N4BP2L2: variants seen among roughly 807,000 people sequenced by gnomAD.
The protein encoded by N4BP2L2 is NEDD4 binding protein 2 like 2, also known as NEDD4-binding protein 2-like 2.
In N4BP2L2, 50 loss-of-function variants were observed where a neutral mutation model predicts 56.2. The ratio of observed to expected loss-of-function variants is 0.89; its 90% CI spans 0.71 to 1.13. The LOEUF is 1.13. Ranked by LOEUF, N4BP2L2 falls within the 50% of genes most tolerant of loss-of-function variation. The probability of loss-of-function intolerance (pLI) is 0.00; values close to 1 mark genes in which losing one functional copy is unlikely to be tolerated. For missense variants in N4BP2L2, 689 were observed against 693.8 expected (o/e 0.99, Z 0.08); for synonymous variants, 203 against 223.6 (o/e 0.91, Z 0.82).
chr13:32,502,610 A>G (rs2090211536), intron 6 of N4BP2L2, among the ~76,000 whole-genome samples: 1 of 152,232 alleles, frequency 6.6e-6, no homozygotes, highest in Non-Finnish European at 1.5e-5. Flanking sequence ...ATTATGAGGA[A>G]AAGTTTCAGA....
At chr13:32,477,796 G>C in intron 6 of N4BP2L2, 1 of 1,107,162 alleles carries the variant, frequency 9.0e-7, no homozygotes, top group Non-Finnish European at 1.2e-6. Context: ...CTTGTTAAGA[G>C]GTATACAGCT....
chr13:32,477,735 A>C (rs2083652030), intron 6 of N4BP2L2: 2 of 509,948 alleles, frequency 3.9e-6, no homozygotes, highest in Admixed American at 7.3e-5. Context: ...GCTTAGATGG[A>C]ACCTTGAGCC....
At chr13:32,437,493 G>A (rs1261821338) in intron 8 of N4BP2L2, among the ~76,000 whole-genome samples, 2 of 152,160 alleles carry the variant, frequency 1.3e-5, no homozygotes, top group East Asian at 3.9e-4. Flanking sequence ...CAACTAATGT[G>A]AACAGAACCC....
At chr13:32,502,349 T>C (rs1459641518) in intron 6 of N4BP2L2, among the ~76,000 whole-genome samples, 1 of 152,098 alleles carries the variant, frequency 6.6e-6, no homozygotes, top group Non-Finnish European at 1.5e-5. Context: ...AGTGCTGGGA[T>C]TACAGGTGTG....
Position 32,536,314 on chromosome 13 carries a change from G to C in N4BP2L2, c.714C>G (p.Asn238Lys), listed in dbSNP as rs200502235. The C allele has an allele frequency of 2.3e-5, 37 of 1,613,856 alleles. No homozygotes were observed. The East Asian group carries it at 7.4e-4, about 32-fold the overall frequency. Reference sequence around the variant, plus strand: ...GATATTTGTCTGGCTCATTCCCCAAGTTCTGCTGATAATCACAATGTGATG... The same window carrying C: ...GATATTTGTCTGGCTCATTCCCCAACTTCTGCTGATAATCACAATGTGATG... Residue 238 changes from asparagine to lysine, a missense_variant, in exon 2 of 6, where the codon AAC becomes AAG. Asn to Lys is a moderately conservative substitution (Grantham distance 94). Transcript: ENST00000267068.
At chr13:32,449,305 T>G (rs779016466) in intron 6 of N4BP2L2, among the ~76,000 whole-genome samples, 73 of 152,230 alleles carry the variant, frequency 4.8e-4, no homozygotes, top group Non-Finnish European at 8.8e-4. Context: ...TAAACAGCTG[T>G]TAAATAGGCA....
At chr13:32,456,750 G>T (rs2079051078) in intron 6 of N4BP2L2, among the ~76,000 whole-genome samples, 1 of 152,198 alleles carries the variant, frequency 6.6e-6, no homozygotes, top group Non-Finnish European at 1.5e-5. Flanking sequence ...ATACATTTGA[G>T]AACTTCCATA....
chr13:32,443,462 T>G, exon 7 of N4BP2L2: 1 of 1,613,800 alleles, frequency 6.2e-7, no homozygotes. Flanking sequence ...TGATTGATTT[T>G]AGTTGTATAC....
exon 6 of N4BP2L2, chr13:32,517,729 C>T (rs2049547118): frequency 6.5e-6 from 10 of 1,536,278 alleles, no homozygotes; most frequent in Non-Finnish European, 8.7e-6. Flanking sequence ...TTTGAAACTA[C>T]TTAAACTCCA....
chr13:32,486,947 C>T (rs562724231), intron 6 of N4BP2L2, among the ~76,000 whole-genome samples: 5 of 151,936 alleles, frequency 3.3e-5, no homozygotes, highest in Non-Finnish European at 5.9e-5. Flanking sequence ...TGCAGTGAGC[C>T]GAGATCACGC....
At chr13:32,495,849 A>C (rs2088468919) in intron 6 of N4BP2L2, among the ~76,000 whole-genome samples, 1 of 152,000 alleles carries the variant, frequency 6.6e-6, no homozygotes, top group Non-Finnish European at 1.5e-5. Flanking sequence ...ATGCCCAGGT[A>C]ATTTTTGTAT....
At chr13:32,512,723 T>C (rs1473822675) in exon 6 of N4BP2L2, 2 of 152,186 alleles carry the variant, frequency 1.3e-5, no homozygotes, top group African/African-American at 2.4e-5. Context: ...TTCTTGTGCA[T>C]AGAGTGATAA....
rs995882964 is a variant in N4BP2L2, at chr13:32,487,658, C to T, written c.365+30199G>A. Among the ~76,000 whole-genome samples, 28 of 151,876 alleles carry T rather than the reference C, an allele frequency of 1.8e-4. No individual in the cohort carries two copies. In the East Asian group the frequency reaches 3.9e-3, roughly 21 times the overall value. ...CTGCACTCCAGCCTGGGCAACAGAA[C>T]GCGACTCCATCTCAAAAAAGAGGAA... On this transcript the variant is annotated intron_variant, in intron 6 of 9. Transcript: ENST00000357505.
intron 2 of N4BP2L2, among the ~76,000 whole-genome samples, chr13:32,530,503 A>G (rs1239420145): frequency 1.3e-5 from 2 of 152,336 alleles, no homozygotes; most frequent in Non-Finnish European, 1.5e-5. Context: ...AAATGTGAGT[A>G]AGTCAAATAT....
At chr13:32,469,656 G>A (rs547894800) in intron 6 of N4BP2L2, among the ~76,000 whole-genome samples, 4 of 152,330 alleles carry the variant, frequency 2.6e-5, no homozygotes, top group African/African-American at 9.6e-5. Context: ...CTGATATTCC[G>A]TCTCTGAGAC....
chr13:32,457,117 C>T (rs888743602), intron 6 of N4BP2L2, among the ~76,000 whole-genome samples: 13 of 152,090 alleles, frequency 8.5e-5, no homozygotes, highest in African/African-American at 3.1e-4. Context: ...CCAGCCTGGG[C>T]AACAGAGCGA....
At chr13:32,472,031 T>C (rs1475343315) in intron 6 of N4BP2L2, among the ~76,000 whole-genome samples, 2 of 152,156 alleles carry the variant, frequency 1.3e-5, no homozygotes, top group African/African-American at 4.8e-5. Context: ...TTACAAGAAA[T>C]GCAAAGGCTA....
intron 3 of N4BP2L2, 77 bp downstream of exon 3, chr13:32,527,331 C>G: frequency 6.6e-7 from 1 of 1,510,584 alleles, no homozygotes; most frequent in Non-Finnish European, 9.0e-7. Context: ...TGGTAAAAAC[C>G]TAAGCTGAAA....
downstream of N4BP2L2, chr13:32,506,185 G>C (rs1388897719): frequency 6.6e-6 from 1 of 152,206 alleles, no homozygotes; most frequent in African/African-American, 2.4e-5. Context: ...TCTTCCTCCA[G>C]TGTCTTCACA....
Sources: gnomAD v4.1 joint callset for allele counts (sites outside exome capture counted in the v4.1 genomes callset) on GRCh38, gnomAD v4.1.1 for gene constraint, MANE v1.5 for transcripts, NCBI Gene and HGNC (gene_info 2026-07-23, HGNC 2026-07-21) for gene names.